Variants in LTB4R observed in about 807,000 individuals in gnomAD.
LTB4R encodes the protein leukotriene B4 receptor, also known as leukotriene B4 receptor 1.
For missense variants in LTB4R, 470 were observed against 485.6 expected (o/e 0.97, Z 0.30); for synonymous variants, 250 against 230.7 (o/e 1.08, Z -0.76).
At chr14:24,314,573 T>C (rs971598059) in intron 1 of LTB4R, 1 of 152,334 alleles carries the variant, frequency 6.6e-6, no homozygotes, top group African/African-American at 2.4e-5. Context: ...TCTGAGCCCA[T>C]TTCCCTTCTC....
chr14:24,312,289 G>A (rs761702639), intron 1 of LTB4R, among the ~76,000 whole-genome samples: 1 of 152,244 alleles, frequency 6.6e-6, no homozygotes, highest in Non-Finnish European at 1.5e-5. Flanking sequence ...ATTCTCTGAG[G>A]CTTATAAAAG....
In LTB4R at chr14:24,314,639, C is replaced by T. The variant is rs1476494583; in HGVS notation, c.-15-998C>T. ...ACCATTCACTACTTTGTTCAATTAT[C>T]CAGTCTAGACCTGCATCTTGAGGCC... is the stretch of plus-strand genomic sequence containing the variant. On this transcript the variant is annotated intron_variant, in intron 1 of 1. Transcript: ENST00000345363. The T allele has an allele frequency of 2.6e-5, 4 of 152,450 alleles. No homozygotes were observed. In the East Asian group the frequency reaches 7.7e-4, roughly 29 times the overall value. 9.4% of individuals were successfully genotyped at this position (152,450 alleles called of 1,614,324 possible). A position where few individuals can be genotyped will look rare whatever the true frequency, so the allele number is the denominator to read the frequency against.
intron 1 of LTB4R, chr14:24,313,179 G>A (rs1425178394): frequency 1.3e-5 from 2 of 152,212 alleles, no homozygotes; most frequent in African/African-American, 4.8e-5. Context: ...GAGGAGGCAA[G>A]GACAACCCAG....
At chr14:24,311,826 G>A in intron 1 of LTB4R, 22 bp downstream of exon 1, 1 of 1,260,256 alleles carries the variant, frequency 7.9e-7, no homozygotes, top group Non-Finnish European at 1.1e-6. Context: ...GGGACATTTG[G>A]GGACCCTTCT....
rs921405664 is a variant in LTB4R, at chr14:24,317,192, G to A, written c.*482G>A. 2 of 168,282 alleles carry A rather than the reference G, an allele frequency of 1.2e-5. No homozygotes were observed. The highest frequency in any genetic ancestry group is 2.9e-5 in the Non-Finnish European group (2 of 68,982). The allele number at this position is 168,282 out of a possible 1,614,324, so 10.4% of individuals were successfully genotyped here. On this transcript the variant is annotated 3_prime_UTR_variant, in exon 2 of 2. Coordinates refer to ENST00000345363, the MANE Select transcript of LTB4R (RefSeq NM_001143919.3). ...TTGTCTAGGAAGACCACCCATGTGG[G>A]CTTATCACTCCAGGTTCTGTGACCC... is the stretch of plus-strand genomic sequence containing the variant.
In LTB4R at chr14:24,316,670, T is replaced by C; in HGVS notation, c.1019T>C (p.Leu340Pro). 1 of 1,541,494 alleles carries C rather than the reference T, an allele frequency of 6.5e-7. No homozygotes were observed. The highest frequency in any genetic ancestry group is 2.0e-5 in the Admixed American group (1 of 50,950). The part of the protein sequence containing the change: ...AALEPGPSES[L>P]TASSPLKLNE... ...CTGGAGCCCGGCCCTTCCGAGAGCCTCACTGCCTCCAGCCCTCTCAAGTTA... is the reference window on the plus strand; with the variant it reads ...CTGGAGCCCGGCCCTTCCGAGAGCCCCACTGCCTCCAGCCCTCTCAAGTTA... The change falls in exon 2 of 2, where the codon CTC (leucine) becomes CCC (proline). Residue 340 changes from leucine (L) to proline (P), a missense_variant. Transcript: ENST00000345363.
chr14:24,316,538 C>T lies in LTB4R; in HGVS notation c.887C>T (p.Ala296Val), dbSNP rs2041775566. 2.1e-6 allele frequency: 3 copies of T among 1,442,182 alleles called. No individual in the cohort carries two copies. Among genetic ancestry groups the T allele is most frequent in the Admixed American group, 6.2e-5 (2 of 32,160 alleles). 89.3% of individuals were successfully genotyped at this position (1,442,182 alleles called of 1,614,324 possible). The change falls in exon 2 of 2, where the codon GCG (alanine) becomes GTG (valine). Residue 296 changes from alanine (A) to valine (V), a missense_variant. By Grantham distance (64) the Ala-to-Val change is moderately conservative. Coordinates refer to ENST00000345363, the MANE Select transcript of LTB4R (RefSeq NM_001143919.3). ...GCCGGCGGCGGCCTGCTGCGCTCGG[C>T]GGGCGTGGGCTTCGTCGCCAAGCTG... The part of the protein sequence containing the change: ...ACAGGGLLRS[A>V]GVGFVAKLLE...
intron 1 of LTB4R, chr14:24,314,335 G>A (rs554139671): frequency 6.6e-6 from 1 of 152,122 alleles, no homozygotes; most frequent in Non-Finnish European, 1.5e-5. Context: ...GGGAGGAAAG[G>A]GGGTGCTGGA....
rs1594643332 is a variant in LTB4R at position 24,316,942 on chromosome 14, G to T, written c.*232G>T. On this transcript the variant is annotated 3_prime_UTR_variant, in exon 2 of 2. Transcript: ENST00000345363. ...CATTAAAACTGAAGTCTGAAATTTG[G>T]TCAACCTTGTGAGTGGGGTACATGT... 1 of 431,366 alleles carries T rather than the reference G, an allele frequency of 2.3e-6. No homozygotes were observed. The highest frequency in any genetic ancestry group is 3.9e-5 in the East Asian group (1 of 25,810). 26.7% of individuals were successfully genotyped at this position (431,366 alleles called of 1,614,324 possible).
At chr14:24,312,426 T>C (rs1357194974) in intron 1 of LTB4R, among the ~76,000 whole-genome samples, 1 of 152,200 alleles carries the variant, frequency 6.6e-6, no homozygotes, top group African/African-American at 2.4e-5. Flanking sequence ...GACAGTGGTG[T>C]AGGGGCCCTG....
At chr14:24,313,251 G>A (rs1224145268) in intron 1 of LTB4R, 1 of 152,150 alleles carries the variant, frequency 6.6e-6, no homozygotes, top group Non-Finnish European at 1.5e-5. Flanking sequence ...CAGGCCTCAC[G>A]GGATTCTTTC....
rs1233677772 is a variant in LTB4R, at chr14:24,315,927, G to A, written c.276G>A (p.Leu92=). 3.7e-6 allele frequency: 6 copies of A among 1,614,180 alleles called. No homozygotes were observed. The South Asian group carries it at 6.6e-5, about 18-fold the overall frequency. The change falls in exon 2 of 2, where the codon CTG becomes CTA. Residue 92 remains leucine (L), a synonymous_variant. Transcript: ENST00000345363. Reference sequence around the variant, plus strand: ...GTTTTGGACTGGCTGGTTGCCGCCTGTGTCACTATGTCTGCGGAGTCAGCA... The same window carrying A: ...GTTTTGGACTGGCTGGTTGCCGCCTATGTCACTATGTCTGCGGAGTCAGCA... The part of the protein sequence containing the change: ...TWSFGLAGCR[L]CHYVCGVSMY...
chr14:24,312,405 C>T (rs1424153730), intron 1 of LTB4R, among the ~76,000 whole-genome samples: 2 of 152,288 alleles, frequency 1.3e-5, no homozygotes, highest in Non-Finnish European at 2.9e-5. Context: ...GAGACAGGCA[C>T]ACAAGGAGTG....
rs1485850971 is a variant in LTB4R at position 24,311,747 on chromosome 14, G to C, written c.-73G>C. 1.9e-6 allele frequency: 3 copies of C among 1,564,340 alleles called. No individual in the cohort carries two copies. The highest frequency in any genetic ancestry group is 1.2e-5 in the South Asian group (1 of 84,220). ...GTCCGGAATGGGACCTTTGACAGCA[G>C]ACCCTACAACCTGCTGCCCTTCCCT... On this transcript the variant is annotated 5_prime_UTR_variant, in exon 1 of 2. Transcript: ENST00000345363.
chr14:24,316,054 C>G lies in LTB4R; in HGVS notation c.403C>G (p.Arg135Gly), dbSNP rs551300415. Residue 135 changes from arginine (R) to glycine (G), a missense_variant, in exon 2 of 2, where the codon CGG (arginine) becomes GGG (glycine). Transcript: ENST00000345363. ...GAAGCTACGCACCAAGGCGATGGCC[C>G]GGCGGGTGCTGGCAGGCATCTGGGT... is the stretch of plus-strand genomic sequence containing the variant. ...SQKLRTKAMA[R>G]RVLAGIWVLS... The G allele has an allele frequency of 5.0e-6, 8 of 1,613,330 alleles. No individual in the cohort carries two copies. The African/African-American group carries it at 5.3e-5, about 11-fold the overall frequency.
intron 1 of LTB4R, chr14:24,314,383 A>G (rs759691792): frequency 1.3e-5 from 2 of 152,214 alleles, no homozygotes; most frequent in Non-Finnish European, 2.9e-5. Context: ...CATAGCTTGA[A>G]CTGAAGCCAA....
intron 1 of LTB4R, chr14:24,313,371 G>C (rs963690419): frequency 2.0e-5 from 3 of 152,064 alleles, no homozygotes; most frequent in African/African-American, 7.3e-5. Context: ...TTCAGTTCTT[G>C]CTGCGGTTTC....
chr14:24,315,921 C>T lies in LTB4R; in HGVS notation c.270C>T (p.Cys90=), dbSNP rs1201365214. 3 of 1,614,194 alleles carry T rather than the reference C, an allele frequency of 1.9e-6. No homozygotes were observed. The highest frequency in any genetic ancestry group is 2.2e-5 in the South Asian group (2 of 91,092). Residue 90 remains cysteine, a synonymous_variant, in exon 2 of 2, where the codon TGC becomes TGT. Coordinates refer to ENST00000345363, the MANE Select transcript of LTB4R (RefSeq NM_001143919.3). ...CCTGGAGTTTTGGACTGGCTGGTTG[C>T]CGCCTGTGTCACTATGTCTGCGGAG... ...QGTWSFGLAG[C]RLCHYVCGVS...
At chr14:24,313,329 G>T (rs969278586) in intron 1 of LTB4R, 1 of 152,062 alleles carries the variant, frequency 6.6e-6, no homozygotes, top group African/African-American at 2.4e-5. Context: ...CTCACATCCC[G>T]TGCGGTCAGG....
Sources: allele counts gnomAD v4.1 joint callset (sites outside exome capture counted in the v4.1 genomes callset), GRCh38; gene constraint gnomAD v4.1.1; transcripts MANE v1.5; gene names NCBI Gene and HGNC (gene_info 2026-07-23, HGNC 2026-07-21).